Variants in PACS1 observed in about 807,000 individuals in gnomAD.
The protein encoded by PACS1 is phosphofurin acidic cluster sorting protein 1.
Under a neutral mutation model 115.0 loss-of-function variants are expected in PACS1, and 24 were observed. The observed-to-expected ratio is 0.21, with a 90% CI of 0.15 to 0.29. The LOEUF (loss-of-function observed/expected upper bound fraction) is 0.29. Among genes scored for constraint, PACS1 ranks in the 10% least tolerant of loss-of-function variants. The pLI, the probability that PACS1 is intolerant of heterozygous loss-of-function variation, is 1.00. For synonymous variants in PACS1, 453 were observed against 504.5 expected (o/e 0.90, Z 1.37); for missense variants, 838 against 1,251.2 (o/e 0.67, Z 4.98).
intron 10 of PACS1, among the ~76,000 whole-genome samples, chr11:66,223,663 GAGGACTCTTTCTTAGTGTTCT>G (rs1163256497): frequency 1.3e-5 from 2 of 152,080 alleles, no homozygotes; most frequent in Non-Finnish European, 2.9e-5. Flanking sequence ...CTGGCTGAGG[GAGGACTCTTTCTTAGTGTTCT>G]AGGAATGTAG....
chr11:66,232,380 C>T (rs1855615528), intron 14 of PACS1, 104 bp downstream of exon 14: 1 of 669,328 alleles, frequency 1.5e-6, no homozygotes, highest in Non-Finnish European at 2.6e-6. Context: ...AGGTGGGGAA[C>T]TCACCCCTCC....
intron 1 of PACS1, among the ~76,000 whole-genome samples, chr11:66,137,262 T>TTGTG (rs369885391): frequency 3.3e-5 from 5 of 150,472 alleles, no homozygotes; most frequent in Non-Finnish European, 5.9e-5. Flanking sequence ...GTGTTTGTGT[T>TTGTG]TGTGTGTGTG....
At chr11:66,147,861 T>C (rs1233682433) in intron 1 of PACS1, among the ~76,000 whole-genome samples, 1 of 152,130 alleles carries the variant, frequency 6.6e-6, no homozygotes, top group Non-Finnish European at 1.5e-5. Flanking sequence ...GTGACACAAA[T>C]GATAAATGCT....
intron 1 of PACS1, among the ~76,000 whole-genome samples, chr11:66,164,104 G>A (rs547770895): frequency 2.0e-5 from 3 of 152,238 alleles, no homozygotes; most frequent in East Asian, 1.9e-4. Context: ...GGTGTTTCCC[G>A]TCCTGGCTTT....
intron 2 of PACS1, among the ~76,000 whole-genome samples, chr11:66,202,743 ATATAT>A (rs550236156): frequency 0.018 from 1,057 of 58,704 alleles, 43 homozygotes; most frequent in East Asian, 0.028. Flanking sequence ...AAAAAAAAAA[ATATAT>A]ATATATATAT....
intron 2 of PACS1, among the ~76,000 whole-genome samples, chr11:66,202,726 G>GAAAAAAAAAAAAAAAAAAAA (rs55677222): frequency 9.1e-5 from 1 of 10,964 alleles, no homozygotes; most frequent in African/African-American, 2.4e-4. Context: ...TCATCTCTAG[G>GAAAAAAAAAAAAAAAAAAAA]AAAAAAAAAA....
At chr11:66,193,441 C>G in intron 1 of PACS1, 45 bp from the exon 2 acceptor site, 2 of 1,362,026 alleles carry the variant, frequency 1.5e-6, no homozygotes, top group South Asian at 1.2e-5. Flanking sequence ...ACTTTTCTCG[C>G]AAGTTCCTCG....
At chr11:66,125,618 A>G (rs1858553274) in intron 1 of PACS1, among the ~76,000 whole-genome samples, 1 of 152,230 alleles carries the variant, frequency 6.6e-6, no homozygotes, top group African/African-American at 2.4e-5. Flanking sequence ...AAGTAGAGTA[A>G]CCAGGGGTGT....
intron 1 of PACS1, among the ~76,000 whole-genome samples, chr11:66,175,556 A>C (rs1011379583): frequency 9.2e-5 from 14 of 152,234 alleles, no homozygotes; most frequent in Admixed American, 7.8e-4. Context: ...TTTCTTTTAC[A>C]CTTTCACTGT....
chr11:66,217,733 A>T, intron 7 of PACS1: 1 of 407,022 alleles, frequency 2.5e-6, no homozygotes, highest in Non-Finnish European at 5.0e-6. Flanking sequence ...AATGGTCCCC[A>T]TGAGGTGTGT....
chr11:66,128,338 A>G (rs1397567234), intron 1 of PACS1, among the ~76,000 whole-genome samples: 1 of 152,258 alleles, frequency 6.6e-6, no homozygotes, highest in Non-Finnish European at 1.5e-5. Context: ...GTTAAGTGTG[A>G]AAATTGTGGA....
chr11:66,137,110 A>G (rs1017602200), intron 1 of PACS1, among the ~76,000 whole-genome samples: 6 of 151,560 alleles, frequency 4.0e-5, no homozygotes, highest in Non-Finnish European at 8.8e-5. Flanking sequence ...ATGTAATAAA[A>G]TGTAGCCATC....
intron 2 of PACS1, among the ~76,000 whole-genome samples, chr11:66,205,239 C>T (rs970541830): frequency 9.9e-5 from 15 of 152,204 alleles, no homozygotes; most frequent in Non-Finnish European, 1.6e-4. Context: ...CCCGCCTCAG[C>T]GTCCCAAAGT....
chr11:66,164,585 TGTATTATATAATATATAATAC>T (rs1859557605), intron 1 of PACS1, among the ~76,000 whole-genome samples: 2 of 145,820 alleles, frequency 1.4e-5, no homozygotes, highest in African/African-American at 5.0e-5. Flanking sequence ...ATTTTATATA[TGTATTATATAATATATAATAC>T]ATATATATAT....
At chr11:66,118,994 C>T (rs977147086) in intron 1 of PACS1, among the ~76,000 whole-genome samples, 10 of 152,084 alleles carry the variant, frequency 6.6e-5, no homozygotes, top group Admixed American at 2.6e-4. Flanking sequence ...AAGGTAGGCA[C>T]AAGTGTCAGG....
intron 1 of PACS1, among the ~76,000 whole-genome samples, chr11:66,148,447 G>A (rs1375566234): frequency 6.6e-6 from 1 of 152,124 alleles, no homozygotes; most frequent in African/African-American, 2.4e-5. Context: ...TGCCTGGCCT[G>A]CCATTAAAAA....
intron 1 of PACS1, among the ~76,000 whole-genome samples, chr11:66,093,925 A>T (rs1423523727): frequency 6.6e-6 from 1 of 152,174 alleles, no homozygotes; most frequent in Non-Finnish European, 1.5e-5. Flanking sequence ...TGGAAACTGA[A>T]CAACCTGCTC....
chr11:66,201,986 A>G (rs915114649), intron 2 of PACS1, among the ~76,000 whole-genome samples: 34 of 152,088 alleles, frequency 2.2e-4, no homozygotes, highest in Admixed American at 2.0e-3. Context: ...GACAAAATGG[A>G]TAAACCTTTA....
At chr11:66,186,032 C>T (rs766551659) in intron 1 of PACS1, among the ~76,000 whole-genome samples, 4 of 151,936 alleles carry the variant, frequency 2.6e-5, no homozygotes, top group East Asian at 1.9e-4. Flanking sequence ...TTTGGGAGGC[C>T]GAGGCAGGAG....
Sources: allele counts gnomAD v4.1 joint callset (sites outside exome capture counted in the v4.1 genomes callset), GRCh38; gene constraint gnomAD v4.1.1; transcripts MANE v1.5; gene names NCBI Gene and HGNC (gene_info 2026-07-23, HGNC 2026-07-21).